KAT14: variants seen among roughly 807,000 people sequenced by gnomAD.
KAT14 encodes lysine acetyltransferase 14.
A neutral mutation model predicts 78.4 loss-of-function variants in KAT14; 66 were observed. That is an observed-to-expected ratio of 0.84 (90% confidence interval 0.69 to 1.03). The LOEUF (loss-of-function observed/expected upper bound fraction) is 1.03, where lower values mean the gene tolerates loss of function less well. KAT14 is among the 50% of genes least tolerant of loss of function. The probability of loss-of-function intolerance (pLI) is 0.00; values close to 1 mark genes in which losing one functional copy is unlikely to be tolerated. For missense variants in KAT14, 870 were observed against 972.5 expected (o/e 0.89, Z 1.40); for synonymous variants, 344 against 359.4 (o/e 0.96, Z 0.48).
chr20:18,176,322 G>A (rs991492642), intron 7 of KAT14, among the ~76,000 whole-genome samples: 3 of 142,006 alleles, frequency 2.1e-5, no homozygotes, highest in South Asian at 2.3e-4. Flanking sequence ...AAAAAAAAGT[G>A]CCAAGCGCTA....
chr20:18,148,129 A>G (rs1322766495), intron 3 of KAT14, among the ~76,000 whole-genome samples: 9 of 152,366 alleles, frequency 5.9e-5, no homozygotes, highest in African/African-American at 2.2e-4. Context: ...CATTCTTAGT[A>G]TATTGAAATG....
chr20:18,155,784 TTGG>T (rs2038204574), intron 4 of KAT14, among the ~76,000 whole-genome samples: 1 of 152,126 alleles, frequency 6.6e-6, no homozygotes, highest in Non-Finnish European at 1.5e-5. Context: ...TTTTGCAGTG[TTGG>T]TGGGAATGTA....
At chr20:18,168,925 T>G (rs773891010) in intron 7 of KAT14, among the ~76,000 whole-genome samples, 5 of 152,198 alleles carry the variant, frequency 3.3e-5, no homozygotes, top group African/African-American at 1.2e-4. Flanking sequence ...CTTCTGGTAT[T>G]CCCATTGTGT....
At chr20:18,148,796 G>C (rs1426954374) in intron 3 of KAT14, among the ~76,000 whole-genome samples, 1 of 151,702 alleles carries the variant, frequency 6.6e-6, no homozygotes, top group African/African-American at 2.4e-5. Flanking sequence ...TTTTAGTAGA[G>C]ACGGGGTTTC....
Position 18,145,214 on chromosome 20 carries a change from CTT to C in KAT14, c.260-15_260-14del, listed in dbSNP as rs890220335. ...TGCTCTAGATAAACCCATGATGTGA[CTT>C]TTTGTTTTTCTCCTAGGTCAGCTGA... On this transcript the variant is annotated splice_polypyrimidine_tract_variant and intron_variant, in intron 2 of 10. Transcript: ENST00000688188. The C allele has an allele frequency of 1.9e-6, 3 of 1,612,712 alleles. No individual in the cohort carries two copies. Among genetic ancestry groups the C allele is most frequent in the Admixed American group, 1.7e-5 (1 of 59,830 alleles).
chr20:18,161,181 A>C (rs2146425156), intron 5 of KAT14, among the ~76,000 whole-genome samples: 1 of 152,170 alleles, frequency 6.6e-6, no homozygotes, highest in South Asian at 2.1e-4. Flanking sequence ...TCTCAAAAAA[A>C]AAAAAAAGTA....
At chr20:18,153,765 T>A (rs2038131026) in intron 4 of KAT14, among the ~76,000 whole-genome samples, 1 of 152,252 alleles carries the variant, frequency 6.6e-6, no homozygotes, top group Non-Finnish European at 1.5e-5. Flanking sequence ...TTGATCTTCC[T>A]ATTTAAATCA....
chr20:18,164,241 T>C (rs2146442131), intron 7 of KAT14, among the ~76,000 whole-genome samples: 1 of 152,256 alleles, frequency 6.6e-6, no homozygotes, highest in Admixed American at 6.5e-5. Context: ...GAGCCCATCG[T>C]TTAGGAGGTA....
intron 7 of KAT14, among the ~76,000 whole-genome samples, chr20:18,175,040 C>A (rs2038986450): frequency 6.8e-6 from 1 of 147,120 alleles, no homozygotes; most frequent in Non-Finnish European, 1.5e-5. Context: ...GTGTTTTCAG[C>A]TACCTTTGCT....
At chr20:18,144,509 C>G (rs994760011) in intron 2 of KAT14, among the ~76,000 whole-genome samples, 3 of 152,128 alleles carry the variant, frequency 2.0e-5, no homozygotes, top group Middle Eastern at 3.4e-3. Flanking sequence ...ACAAAGAGAC[C>G]CCTTTTCACC....
chr20:18,144,927 G>A (rs529659216), intron 2 of KAT14, among the ~76,000 whole-genome samples: 6 of 152,296 alleles, frequency 3.9e-5, no homozygotes, highest in African/African-American at 1.4e-4. Flanking sequence ...TTGAAAGAAT[G>A]TGTGAAGAGA....
At chr20:18,155,998 A>G (rs2038211439) in intron 4 of KAT14, among the ~76,000 whole-genome samples, 1 of 152,246 alleles carries the variant, frequency 6.6e-6, no homozygotes, top group Admixed American at 6.5e-5. Flanking sequence ...AGTGTCCATC[A>G]GTAGATGAAT....
chr20:18,169,702 A>T (rs2038780898), intron 7 of KAT14, among the ~76,000 whole-genome samples: 1 of 152,242 alleles, frequency 6.6e-6, no homozygotes. Flanking sequence ...AGGAAGAGTT[A>T]TACTTCTCTC....
At chr20:18,161,639 A>G (rs1948498178) in intron 5 of KAT14, among the ~76,000 whole-genome samples, 184 bp from the exon 6 acceptor site, 1 of 152,216 alleles carries the variant, frequency 6.6e-6, no homozygotes, top group South Asian at 2.1e-4. Flanking sequence ...CAGCACTGAC[A>G]TAACGCTCAA....
At chr20:18,137,419 C>T (rs1462846672), upstream of KAT14, among the ~76,000 whole-genome samples, 1 of 152,210 alleles carries the variant, frequency 6.6e-6, no homozygotes, top group African/African-American at 2.4e-5. Flanking sequence ...CGGATGGGAA[C>T]CCCGCGCCTC....
At chr20:18,152,454 G>A (rs1331430106) in intron 4 of KAT14, among the ~76,000 whole-genome samples, 3 of 152,084 alleles carry the variant, frequency 2.0e-5, no homozygotes, top group Non-Finnish European at 2.9e-5. Flanking sequence ...GCGGGTGCCC[G>A]TAATCCCAGC....
intron 1 of KAT14, among the ~76,000 whole-genome samples, chr20:18,141,037 T>TTTA (rs1568661491): frequency 1.8e-4 from 4 of 22,596 alleles, no homozygotes; most frequent in Non-Finnish European, 4.7e-4. Flanking sequence ...TTTTTTTTTT[T>TTTA]TTTTTTTTTA....
chr20:18,162,294 G>A, intron 6 of KAT14, 55 bp downstream of exon 6: 2 of 1,609,066 alleles, frequency 1.2e-6, no homozygotes, highest in South Asian at 1.1e-5. Context: ...TGGTATAAAT[G>A]TACAAGTTTT....
chr20:18,142,246 A>C lies in KAT14; in HGVS notation c.-415A>C, dbSNP rs747665536. The C allele has an allele frequency of 5.9e-6, 9 of 1,537,110 alleles. No individual in the cohort carries two copies. In the South Asian group the frequency reaches 1.1e-4, roughly 18 times the overall value. ...GAGTTATCAGAGACATTGAGAGGCAAATTCGGAAAAAAGAAAACATTCGTC... is the reference window on the plus strand; with the variant it reads ...GAGTTATCAGAGACATTGAGAGGCACATTCGGAAAAAAGAAAACATTCGTC... On this transcript the variant is annotated 5_prime_UTR_variant, in exon 2 of 11. Transcript: ENST00000688188.
Sources: gnomAD v4.1 joint callset for allele counts (sites outside exome capture counted in the v4.1 genomes callset) on GRCh38, gnomAD v4.1.1 for gene constraint, MANE v1.5 for transcripts, NCBI Gene and HGNC (gene_info 2026-07-23, HGNC 2026-07-21) for gene names.